The following PHF14 variants were observed in gnomAD, a reference collection of about 807,000 sequenced individuals.
PHF14 encodes PHD finger protein 14.
In PHF14, 55 loss-of-function variants were observed where a neutral mutation model predicts 117.9. The ratio of observed to expected loss-of-function variants is 0.47; its 90% CI spans 0.38 to 0.58. The LOEUF is 0.58. Among genes scored for constraint, PHF14 ranks in the 20% least tolerant of loss-of-function variants. The pLI, the probability that PHF14 is intolerant of heterozygous loss-of-function variation, is 0.00. For synonymous variants in PHF14, 409 were observed against 368.6 expected (o/e 1.11, Z -1.26); for missense variants, 978 against 1,122.2 (o/e 0.87, Z 1.84).
intron 3 of PHF14, among the ~76,000 whole-genome samples, chr7:10,984,187 A>G (rs1466104071): frequency 2.0e-5 from 3 of 152,290 alleles, no homozygotes; most frequent in East Asian, 1.9e-4. Flanking sequence ...TTTTCTGCCT[A>G]CAAGTTTTAC....
chr7:11,163,898 C>T (rs562507211), intron 17 of PHF14, among the ~76,000 whole-genome samples: 1 of 152,258 alleles, frequency 6.6e-6, no homozygotes, highest in South Asian at 2.1e-4. Flanking sequence ...TTTCTTTCTA[C>T]ACTTGTTCCG....
In PHF14 at chr7:11,036,445, T is replaced by TATCGTGCCAAAGCAGAACTAGCTCG; in HGVS notation, c.1634_1658dup (p.Thr554CysfsTer33). The TATCGTGCCAAAGCAGAACTAGCTCG allele has an allele frequency of 6.2e-7, 1 of 1,613,496 alleles. No individual in the cohort carries two copies. The highest frequency in any genetic ancestry group is 8.5e-7 in the Non-Finnish European group (1 of 1,179,508). On this transcript the variant is annotated frameshift_variant, in exon 9 of 18. Transcript: ENST00000634607. LOFTEE classifies it high-confidence loss of function. ...AAGGATCAATGCCCGGCTTCAGCAGTATCGTGCCAAAGCAGAACTAGCTCG... is the reference window on the plus strand; with the variant it reads ...AAGGATCAATGCCCGGCTTCAGCAGTATCGTGCCAAAGCAGAACTAGCTCGATCGTGCCAAAGCAGAACTAGCTCG...
chr7:11,070,415 A>G (rs546490121), intron 16 of PHF14, among the ~76,000 whole-genome samples: 1 of 152,170 alleles, frequency 6.6e-6, no homozygotes, highest in Admixed American at 6.5e-5. Flanking sequence ...ATTTCATCTC[A>G]TTTGCCAGTT....
chr7:11,166,509 G>A (rs545431413), intron 17 of PHF14, among the ~76,000 whole-genome samples: 15 of 152,192 alleles, frequency 9.9e-5, no homozygotes, highest in South Asian at 6.2e-4. Flanking sequence ...CTGGAACTGC[G>A]TATAAATTCT....
intron 17 of PHF14, among the ~76,000 whole-genome samples, chr7:11,131,965 T>A (rs1482750375): frequency 6.6e-6 from 1 of 151,858 alleles, no homozygotes; most frequent in African/African-American, 2.4e-5. Flanking sequence ...TTGGGTTTTT[T>A]TAAAAATTTT....
chr7:11,169,471 AG>A lies in PHF14; in HGVS notation c.2829del (p.Asn945IlefsTer19). 1 of 1,500,406 alleles carries A rather than the reference AG, an allele frequency of 6.7e-7. No individual in the cohort carries two copies. Among genetic ancestry groups the A allele is most frequent in the South Asian group, 1.3e-5 (1 of 74,768 alleles). 92.9% of individuals were successfully genotyped at this position (1,500,406 alleles called of 1,614,324 possible). A position where few individuals can be genotyped will look rare whatever the true frequency, so the allele number is the denominator to read the frequency against. ...KNISQELNME[Q>X]KNPKK The stretch of plus-strand genomic sequence containing the variant: ...ATATCTCAGGAGCTCAACATGGAAC[AG>A]AAAAATCCAAAGAAATAAAAGATTT... On this transcript the variant is annotated frameshift_variant, in exon 18 of 18. Transcript: ENST00000634607. LOFTEE classifies it high-confidence loss of function.
intron 16 of PHF14, among the ~76,000 whole-genome samples, chr7:11,097,091 T>G (rs1015435489): frequency 2.0e-5 from 3 of 151,536 alleles, no homozygotes; most frequent in African/African-American, 7.3e-5. Context: ...GTGATTCTCG[T>G]GCCTCAGCCT....
intron 4 of PHF14, among the ~76,000 whole-genome samples, chr7:11,004,244 C>G (rs1049198965): frequency 1.0e-5 from 1 of 95,398 alleles, no homozygotes; most frequent in Non-Finnish European, 1.9e-5. Context: ...AAGACTTTGT[C>G]TCAAAAAAAA....
At chr7:11,131,201 T>A (rs929436133) in intron 17 of PHF14, among the ~76,000 whole-genome samples, 22 of 151,886 alleles carry the variant, frequency 1.4e-4, no homozygotes, top group African/African-American at 5.3e-4. Context: ...TACCAAGGAG[T>A]TCCATTATGG....
intron 4 of PHF14, among the ~76,000 whole-genome samples, chr7:11,012,424 T>A (rs1469849668): frequency 6.6e-6 from 1 of 152,196 alleles, no homozygotes; most frequent in Admixed American, 6.5e-5. Flanking sequence ...TTTGTTTATG[T>A]GAGTTTTGTA....
chr7:11,060,482 C>T (rs1227479707), intron 14 of PHF14, among the ~76,000 whole-genome samples: 1 of 151,786 alleles, frequency 6.6e-6, no homozygotes, highest in Non-Finnish European at 1.5e-5. Flanking sequence ...TGTTAAGGAC[C>T]TTTCTACACT....
At chr7:11,132,269 T>C (rs1304431923) in intron 17 of PHF14, among the ~76,000 whole-genome samples, 1 of 151,486 alleles carries the variant, frequency 6.6e-6, no homozygotes, top group Non-Finnish European at 1.5e-5. Context: ...TTCCCACTGA[T>C]AACCAGGGTT....
chr7:11,007,417 T>C (rs1298321875), intron 4 of PHF14, among the ~76,000 whole-genome samples: 1 of 152,082 alleles, frequency 6.6e-6, no homozygotes, highest in Non-Finnish European at 1.5e-5. Flanking sequence ...TGTAGATTTT[T>C]TTTCCCCCTT....
rs367914130 is a variant in PHF14 at position 11,102,154 on chromosome 7, T to C, written c.2655-9196T>C. ...GAAATTTTTCAAAATATTTATTGAT[T>C]AAATATTTCCTTTTATAAATACAAG... On this transcript the variant is annotated intron_variant, in intron 16 of 17. Coordinates refer to ENST00000634607, the MANE Select transcript of PHF14 (RefSeq NM_001007157.2). Among the ~76,000 whole-genome samples, 20 of 151,880 alleles carry C rather than the reference T, an allele frequency of 1.3e-4. No homozygotes were observed. The East Asian group carries it at 1.7e-3, about 13-fold the overall frequency.
intron 16 of PHF14, among the ~76,000 whole-genome samples, chr7:11,090,190 T>C (rs1032079177): frequency 2.6e-5 from 4 of 152,230 alleles, no homozygotes; most frequent in African/African-American, 9.6e-5. Flanking sequence ...TGAGAAGTGA[T>C]TGGTCAAAGT....
At chr7:11,148,032 C>T (rs988976077) in intron 17 of PHF14, among the ~76,000 whole-genome samples, 14 of 152,140 alleles carry the variant, frequency 9.2e-5, no homozygotes, top group Non-Finnish European at 1.9e-4. Context: ...GTAATCATTC[C>T]TAATTACTTT....
chr7:10,982,602 A>G lies in PHF14; in HGVS notation c.343A>G (p.Lys115Glu). 6.6e-7 allele frequency: 1 copy of G among 1,513,994 alleles called. No individual in the cohort carries two copies. Among genetic ancestry groups the G allele is most frequent in the Non-Finnish European group, 9.0e-7 (1 of 1,116,954 alleles). 93.8% of individuals were successfully genotyped at this position (1,513,994 alleles called of 1,614,324 possible). Residue 115 changes from lysine to glutamate, a missense_variant, in exon 3 of 18, where the codon AAG becomes GAG. Transcript: ENST00000634607. ...EENGERPRKK[K>E]EKEKEKEKEK... ...AAATGGAGAAAGACCTAGAAAGAAA[A>G]AGGAGAAAGAGAAGGAAAAAGAAAA...
chr7:11,111,305 T>C, intron 16 of PHF14, 45 bp from the exon 17 acceptor site: 1 of 905,344 alleles, frequency 1.1e-6, no homozygotes, highest in Non-Finnish European at 1.8e-6. Flanking sequence ...AGATGGTTTT[T>C]ATATTATTTA....
At chr7:11,080,119 G>A (rs777972041) in intron 16 of PHF14, among the ~76,000 whole-genome samples, 5 of 152,118 alleles carry the variant, frequency 3.3e-5, no homozygotes, top group Non-Finnish European at 7.4e-5. Flanking sequence ...ATTTGCACCT[G>A]TGAGAACATA....
Sources: allele counts gnomAD v4.1 joint callset (sites outside exome capture counted in the v4.1 genomes callset), GRCh38; gene constraint gnomAD v4.1.1; transcripts MANE v1.5; gene names NCBI Gene and HGNC (gene_info 2026-07-23, HGNC 2026-07-21).